The following DISC1 variants were observed in gnomAD, a reference collection of about 807,000 sequenced individuals.
The protein encoded by DISC1 is DISC1 scaffold protein, also known as disrupted in schizophrenia 1 protein.
DISC1 carries 57 observed loss-of-function variants against 84.5 expected under a neutral mutation model. That is an observed-to-expected ratio of 0.67 (90% CI 0.55 to 0.84). The LOEUF (loss-of-function observed/expected upper bound fraction) is 0.84. Ranked by LOEUF, DISC1 falls within the 40% of genes least tolerant of loss-of-function variation. The pLI, the probability that DISC1 is intolerant of heterozygous loss-of-function variation, is 0.00. For synonymous variants in DISC1, 411 were observed against 415.2 expected (o/e 0.99, Z 0.12); for missense variants, 1,000 against 1,057.8 (o/e 0.95, Z 0.76).
At chr1:232,033,701 AG>A (rs1411325947) in intron 12 of DISC1, among the ~76,000 whole-genome samples, 10 of 72,454 alleles carry the variant, frequency 1.4e-4, no homozygotes, top group Non-Finnish European at 2.2e-4. Flanking sequence ...AATGAGTGAA[AG>A]AAAGAAAGAG....
intron 6 of DISC1, among the ~76,000 whole-genome samples, chr1:231,792,531 C>T (rs2125595775): frequency 6.6e-6 from 1 of 152,248 alleles, no homozygotes; most frequent in East Asian, 1.9e-4. Flanking sequence ...CATATAGGTT[C>T]AATGATGTGT....
intron 1 of DISC1, among the ~76,000 whole-genome samples, chr1:231,691,003 G>A (rs557441812): frequency 2.0e-5 from 3 of 152,228 alleles, no homozygotes; most frequent in East Asian, 3.9e-4. Flanking sequence ...GTTGCTTCTG[G>A]TCCCCGGCTC....
chr1:231,727,586 G>A (rs1411007758), intron 3 of DISC1, among the ~76,000 whole-genome samples: 1 of 152,186 alleles, frequency 6.6e-6, no homozygotes, highest in African/African-American at 2.4e-5. Flanking sequence ...CGCCCCTTGA[G>A]TAGAATTAAA....
chr1:231,906,265 G>C (rs541360021), intron 9 of DISC1, among the ~76,000 whole-genome samples: 1 of 152,218 alleles, frequency 6.6e-6, no homozygotes, highest in Admixed American at 6.5e-5. Flanking sequence ...CAGGTGATCT[G>C]CCTGCCTTGA....
At chr1:231,941,575 C>T (rs186045101) in intron 9 of DISC1, among the ~76,000 whole-genome samples, 2 of 150,746 alleles carry the variant, frequency 1.3e-5, no homozygotes, top group East Asian at 3.9e-4. Context: ...TGGGTTCAAG[C>T]GATTCTCCTG....
At chr1:231,899,724 C>T (rs2087997262) in intron 9 of DISC1, among the ~76,000 whole-genome samples, 1 of 152,194 alleles carries the variant, frequency 6.6e-6, no homozygotes, top group Non-Finnish European at 1.5e-5. Context: ...AGTTTCTAAG[C>T]ATGAGCATTT....
intron 9 of DISC1, among the ~76,000 whole-genome samples, chr1:231,851,977 G>A (rs1279445932): frequency 6.6e-6 from 1 of 152,184 alleles, no homozygotes; most frequent in Non-Finnish European, 1.5e-5. Context: ...GGGTGCTTAG[G>A]AGGAGGTCTG....
intron 3 of DISC1, among the ~76,000 whole-genome samples, chr1:231,708,505 T>C (rs972595148): frequency 6.6e-6 from 1 of 152,242 alleles, no homozygotes; most frequent in Non-Finnish European, 1.5e-5. Context: ...AGATCTCTGC[T>C]CTCTGGGTGG....
At chr1:231,780,252 G>GAAAAAAAAAAAAAAAAAAAAAAAAAAAA (rs34768925) in intron 6 of DISC1, among the ~76,000 whole-genome samples, 1 of 120,238 alleles carries the variant, frequency 8.3e-6, no homozygotes, top group Non-Finnish European at 1.7e-5. Flanking sequence ...AAAAAAAAAA[G>GAAAAAAAAAAAAAAAAAAAAAAAAAAAA]AAAAGGAAAG....
intron 9 of DISC1, among the ~76,000 whole-genome samples, chr1:231,886,784 TTTCTTTC>T (rs2086756901): frequency 2.2e-5 from 3 of 135,550 alleles, no homozygotes; most frequent in Non-Finnish European, 4.9e-5. Context: ...TCTTTCTTTC[TTTCTTTC>T]TTTCTTTCTT....
chr1:231,713,770 TATATA>T (rs2068250762), intron 3 of DISC1, among the ~76,000 whole-genome samples: 1 of 144,954 alleles, frequency 6.9e-6, no homozygotes, highest in Non-Finnish European at 1.5e-5. Context: ...AGGAGATATA[TATATA>T]GGAGATATAT....
chr1:231,940,658 A>T (rs1466785377), intron 9 of DISC1, among the ~76,000 whole-genome samples: 2 of 152,040 alleles, frequency 1.3e-5, no homozygotes, highest in Admixed American at 6.6e-5. Flanking sequence ...TGTATTTGAG[A>T]GGAAGGAAGG....
At chr1:231,880,249 GAA>G (rs1238655582) in intron 9 of DISC1, among the ~76,000 whole-genome samples, 1 of 152,202 alleles carries the variant, frequency 6.6e-6, no homozygotes, top group Non-Finnish European at 1.5e-5. Context: ...CCAACAGCAA[GAA>G]GGCTCTCACC....
At chr1:231,763,952 A>T (rs759985671) in intron 4 of DISC1, among the ~76,000 whole-genome samples, 1 of 152,240 alleles carries the variant, frequency 6.6e-6, no homozygotes, top group Non-Finnish European at 1.5e-5. Context: ...ATAGCACAAC[A>T]TATATTAGGA....
At chr1:231,708,329 CTT>C (rs35946283) in intron 3 of DISC1, among the ~76,000 whole-genome samples, 1 of 152,180 alleles carries the variant, frequency 6.6e-6, no homozygotes, top group Non-Finnish European at 1.5e-5. Context: ...ATGAGACAGA[CTT>C]TTTCCTGACT....
At chr1:231,883,718 G>A (rs2086462241) in intron 9 of DISC1, among the ~76,000 whole-genome samples, 1 of 152,092 alleles carries the variant, frequency 6.6e-6, no homozygotes, top group Non-Finnish European at 1.5e-5. Context: ...GTAAGGATGA[G>A]GATTTCAGGA....
At chr1:231,928,263 G>A (rs184156202) in intron 9 of DISC1, among the ~76,000 whole-genome samples, 38 of 152,312 alleles carry the variant, frequency 2.5e-4, no homozygotes, top group South Asian at 8.3e-4. Flanking sequence ...TTAAACAAAT[G>A]TTCTACACAG....
intron 1 of DISC1, among the ~76,000 whole-genome samples, chr1:231,665,270 G>T (rs946672129): frequency 1.3e-5 from 2 of 152,100 alleles, no homozygotes; most frequent in Admixed American, 6.6e-5. Context: ...CCAGTAAATT[G>T]CATATTGCAA....
At chr1:231,939,824 C>T (rs1342918097) in intron 9 of DISC1, among the ~76,000 whole-genome samples, 1 of 152,010 alleles carries the variant, frequency 6.6e-6, no homozygotes, top group African/African-American at 2.4e-5. Flanking sequence ...CTCACCGCAA[C>T]CTCCGCCTCC....
Sources: allele counts gnomAD v4.1 joint callset (sites outside exome capture counted in the v4.1 genomes callset), GRCh38; gene constraint gnomAD v4.1.1; transcripts MANE v1.5; gene names NCBI Gene and HGNC (gene_info 2026-07-23, HGNC 2026-07-21).